MAML1: variants seen among roughly 807,000 people sequenced by gnomAD.
The protein encoded by MAML1 is mastermind like transcriptional coactivator 1.
In MAML1, 14 loss-of-function variants were observed where a neutral mutation model predicts 77.1. That is an observed-to-expected ratio of 0.18 (90% confidence interval 0.12 to 0.28). The LOEUF (loss-of-function observed/expected upper bound fraction) is 0.28, where lower values mean the gene tolerates loss of function less well. MAML1 is among the 10% of genes least tolerant of loss of function. MAML1 has a pLI of 1.00. For synonymous variants in MAML1, 516 were observed against 551.9 expected (o/e 0.93, Z 0.91); for missense variants, 1,217 against 1,327.8 (o/e 0.92, Z 1.30).
At chr5:179,738,757 G>A (rs1005555973) in intron 1 of MAML1, among the ~76,000 whole-genome samples, 2 of 151,832 alleles carry the variant, frequency 1.3e-5, no homozygotes, top group Non-Finnish European at 2.9e-5. Context: ...GGACACCAAG[G>A]ATGGACTTGC....
chr5:179,767,242 G>A (rs774000948), intron 2 of MAML1, among the ~76,000 whole-genome samples: 22 of 151,948 alleles, frequency 1.4e-4, no homozygotes, highest in Non-Finnish European at 2.5e-4. Context: ...TCTAAAGCCC[G>A]GTAGCATCAA....
chr5:179,773,748 C>T (rs969709493), intron 4 of MAML1, 147 bp from the exon 5 acceptor site: 2 of 1,489,838 alleles, frequency 1.3e-6, no homozygotes, highest in Non-Finnish European at 1.8e-6. Flanking sequence ...GCCTCCATTC[C>T]ACCTGTGGAA....
Position 179,775,132 on chromosome 5 carries a change from C to A in MAML1, c.*255C>A. Reference sequence around the variant, plus strand: ...GGTGTTGGGACAGCAGGATAGGGTTCTAAAGGTGGTTTTCTATCCAAACGA... The same window carrying A: ...GGTGTTGGGACAGCAGGATAGGGTTATAAAGGTGGTTTTCTATCCAAACGA... On this transcript the variant is annotated 3_prime_UTR_variant, in exon 5 of 5. Transcript: ENST00000292599. 1 of 1,228,770 alleles carries A rather than the reference C, an allele frequency of 8.1e-7. No homozygotes were observed. Among genetic ancestry groups the A allele is most frequent in the Non-Finnish European group, 1.0e-6 (1 of 982,082 alleles). 76.1% of individuals were successfully genotyped at this position (1,228,770 alleles called of 1,614,324 possible). A position where few individuals can be genotyped will look rare whatever the true frequency, so the allele number is the denominator to read the frequency against.
At chr5:179,751,033 G>A (rs1779478846) in intron 1 of MAML1, among the ~76,000 whole-genome samples, 1 of 152,174 alleles carries the variant, frequency 6.6e-6, no homozygotes, top group Non-Finnish European at 1.5e-5. Flanking sequence ...GAGTGCAGTG[G>A]CACGATCTTG....
chr5:179,741,622 G>T (rs1779285834), intron 1 of MAML1, among the ~76,000 whole-genome samples: 3 of 150,116 alleles, frequency 2.0e-5, no homozygotes, highest in East Asian at 2.0e-4. Context: ...GGAGGTCGAG[G>T]TTGTCGTGAG....
intron 1 of MAML1, among the ~76,000 whole-genome samples, chr5:179,753,184 A>AGTGTGTGTGT (rs59680995): frequency 5.5e-4 from 66 of 120,582 alleles, no homozygotes; most frequent in African/African-American, 1.7e-3. Context: ...GCTATTTTTT[A>AGTGTGTGTGT]GTGTGTGTGT....
Position 179,768,859 on chromosome 5 carries a change from C to A in MAML1, c.1741C>A (p.Pro581Thr). 1 of 1,614,154 alleles carries A rather than the reference C, an allele frequency of 6.2e-7. No homozygotes were observed. Among genetic ancestry groups the A allele is most frequent in the Non-Finnish European group, 8.5e-7 (1 of 1,180,036 alleles). The change falls in exon 3 of 5, where the codon CCT becomes ACT. Residue 581 changes from proline to threonine, a missense_variant. Pro to Thr is a conservative substitution (Grantham distance 38). This residue lies in a region of MAML1 where 884 missense variants were observed against 949.3 expected (regional missense o/e 0.93). Transcript: ENST00000292599. ...CTATCTGTGTTGACAGGAGCAGAAC[C>A]CTTCCAGTGTCCCTGTGCAAGCCCA... ...SLVPPGQEQN[P>T]SSVPVQAQAT...
At chr5:179,755,848 T>G (rs1581936100) in intron 1 of MAML1, among the ~76,000 whole-genome samples, 1 of 151,394 alleles carries the variant, frequency 6.6e-6, no homozygotes, top group East Asian at 2.0e-4. Context: ...CACTGCAACC[T>G]CTACCTCCCA....
chr5:179,771,324 C>A lies in MAML1; in HGVS notation c.2068+81C>A. 1 of 1,238,688 alleles carries A rather than the reference C, an allele frequency of 8.1e-7. No individual in the cohort carries two copies. The allele number at this position is 1,238,688 out of a possible 1,614,324, so 76.7% of individuals were successfully genotyped here. A position where few individuals can be genotyped will look rare whatever the true frequency, so the allele number is the denominator to read the frequency against. On this transcript the variant is annotated intron_variant, in intron 4 of 4. Coordinates refer to ENST00000292599, the MANE Select transcript of MAML1 (RefSeq NM_014757.5). This position sits in a 1 kb window ranked among gnomAD's most constrained non-coding sequence, Gnocchi z 4.7. Reference sequence around the variant, plus strand: ...TTGAATCCCTGCTGTCTGCCCAGCTCTATGCCTTGACTTCATCAGGCTGCA... The same window carrying A: ...TTGAATCCCTGCTGTCTGCCCAGCTATATGCCTTGACTTCATCAGGCTGCA...
chr5:179,758,462 G>A (rs1001999522), intron 1 of MAML1, among the ~76,000 whole-genome samples: 3 of 149,870 alleles, frequency 2.0e-5, no homozygotes, highest in Non-Finnish European at 4.4e-5. Flanking sequence ...GCACGATCAT[G>A]GCTCACCGCA....
In MAML1 at chr5:179,775,656, C is replaced by T. The variant is rs1363168720; in HGVS notation, c.*779C>T. ...GTCCTGGCAGCAGGACCCCAGGCTA[C>T]ATATGGAAGGTAGAGATGTGGGGGT... is the stretch of plus-strand genomic sequence containing the variant. On this transcript the variant is annotated 3_prime_UTR_variant, in exon 5 of 5. Transcript: ENST00000292599. The T allele has an allele frequency of 8.1e-6, 8 of 985,332 alleles. No individual in the cohort carries two copies. Among genetic ancestry groups the T allele is most frequent in the Non-Finnish European group, 9.6e-6 (8 of 829,946 alleles). The allele number at this position is 985,332 out of a possible 1,614,324, so 61.0% of individuals were successfully genotyped here. A position where few individuals can be genotyped will look rare whatever the true frequency, so the allele number is the denominator to read the frequency against.
intron 2 of MAML1, among the ~76,000 whole-genome samples, chr5:179,767,697 C>T (rs1779847917): frequency 6.6e-6 from 1 of 152,320 alleles, no homozygotes; most frequent in South Asian, 2.1e-4. Flanking sequence ...CTCAGCTGCA[C>T]ACAGTGAGGG....
Position 179,765,420 on chromosome 5 carries a change from A to G in MAML1, c.410A>G (p.His137Arg), listed in dbSNP as rs1270885293. The G allele has an allele frequency of 6.2e-7, 1 of 1,614,214 alleles. No homozygotes were observed. Among genetic ancestry groups the G allele is most frequent in the Middle Eastern group, 1.6e-4 (1 of 6,062 alleles). Reference protein sequence around the residue: ...QNGYGDLFPGHKKTRREAPLG... With the variant: ...QNGYGDLFPGRKKTRREAPLG... ...GGCTACGGGGACCTCTTTCCTGGGC[A>G]TAAGAAGACTCGCCGGGAGGCCCCT... The change falls in exon 2 of 5, where the codon CAT becomes CGT. Residue 137 changes from histidine (H) to arginine (R), a missense_variant. Physicochemically the swap from His to Arg is conservative, Grantham distance 29 (BLOSUM62 0). Coordinates refer to ENST00000292599, the MANE Select transcript of MAML1 (RefSeq NM_014757.5).
intron 1 of MAML1, among the ~76,000 whole-genome samples, chr5:179,762,964 A>G (rs935298986): frequency 1.3e-5 from 2 of 152,252 alleles, no homozygotes; most frequent in Non-Finnish European, 2.9e-5. Flanking sequence ...AGCTGTTTGC[A>G]TGTGAATATT....
chr5:179,765,143 G>A (rs900722180), intron 1 of MAML1, among the ~76,000 whole-genome samples, 183 bp from the exon 2 acceptor site: 2 of 152,062 alleles, frequency 1.3e-5, no homozygotes, highest in African/African-American at 4.8e-5. Flanking sequence ...CTAGACATCA[G>A]TTCTGACTGG....
In MAML1 at chr5:179,774,094, C is replaced by G. The variant is rs764755840; in HGVS notation, c.2268C>G (p.Leu756=). 22 of 1,614,002 alleles carry G rather than the reference C, an allele frequency of 1.4e-5. No individual in the cohort carries two copies. The Middle Eastern group carries it at 4.9e-4, about 36-fold the overall frequency. ...PGSQNMPQSS[L]YGMASGITQI... Reference sequence around the variant, plus strand: ...CCCAAAACATGCCTCAGAGCAGCCTCTATGGCATGGCTTCTGGCATAACCC... The same window carrying G: ...CCCAAAACATGCCTCAGAGCAGCCTGTATGGCATGGCTTCTGGCATAACCC... Residue 756 remains leucine, a synonymous_variant, in exon 5 of 5, where the codon CTC becomes CTG. Transcript: ENST00000292599.
At chr5:179,741,673 G>A (rs1313760300) in intron 1 of MAML1, among the ~76,000 whole-genome samples, 5 of 136,334 alleles carry the variant, frequency 3.7e-5, no homozygotes, top group African/African-American at 1.1e-4. Flanking sequence ...GTGGCAGAGC[G>A]AGACTGTCTC....
chr5:179,766,868 C>A lies in MAML1; in HGVS notation c.1731+127C>A. The A allele has an allele frequency of 1.4e-6, 1 of 697,852 alleles. No individual in the cohort carries two copies. Among genetic ancestry groups the A allele is most frequent in the South Asian group, 2.8e-5 (1 of 35,130 alleles). 43.2% of individuals were successfully genotyped at this position (697,852 alleles called of 1,614,324 possible). ...GGGAGGAGGGAATAGCTGCTGTCAT[C>A]CTTGCTCCTCTTGGGAGTGGAAATT... On this transcript the variant is annotated intron_variant, in intron 2 of 4. Transcript: ENST00000292599. The surrounding 1 kb of genome is among the most constrained non-coding windows in gnomAD (Gnocchi z 4.0).
At chr5:179,770,942 A>AT (rs1755974378) in intron 3 of MAML1, 5 of 503,800 alleles carry the variant, frequency 9.9e-6, no homozygotes, top group Middle Eastern at 3.7e-4. Context: ...AAAAACAGGT[A>AT]TACCTACCTT....
Sources: gnomAD v4.1 joint callset for allele counts (sites outside exome capture counted in the v4.1 genomes callset) on GRCh38, gnomAD v4.1.1 for gene constraint, gnomAD v4.1.1 regional missense constraint, Gnocchi (gnomAD v3.1) non-coding constraint, MANE v1.5 for transcripts, NCBI Gene and HGNC (gene_info 2026-07-23, HGNC 2026-07-21) for gene names.